PKIG: variants seen among roughly 807,000 people sequenced by gnomAD.
PKIG encodes the protein protein kinase (cAMP-dependent, catalytic) inhibitor gamma.
A neutral mutation model predicts 6.8 loss-of-function variants in PKIG; 1 was observed. The observed-to-expected ratio is 0.15, with a 90% CI of 0.05 to 0.69. The LOEUF (loss-of-function observed/expected upper bound fraction) is 0.69, where lower values mean the gene tolerates loss of function less well. Among genes scored for constraint, PKIG ranks in the 30% least tolerant of loss-of-function variants. PKIG has a pLI of 0.82. For synonymous variants in PKIG, 39 were observed against 43.0 expected, an observed-to-expected ratio of 0.91 and a Z score of 0.36; for missense variants, 77 against 104.0, an observed-to-expected ratio of 0.74 and a Z score of 1.13.
intron 2 of PKIG, among the ~76,000 whole-genome samples, chr20:44,591,162 C>G (rs1222199976): frequency 6.6e-6 from 1 of 151,962 alleles, no homozygotes; most frequent in Non-Finnish European, 1.5e-5. Context: ...CAGGAGATGA[C>G]TTGGAGAAGA....
chr20:44,541,691 G>A (rs945349035), intron 1 of PKIG, among the ~76,000 whole-genome samples: 2 of 148,586 alleles, frequency 1.3e-5, no homozygotes, highest in Non-Finnish European at 3.0e-5. Context: ...AGGTTCTTTA[G>A]GTTCTTTTTT....
At chr20:44,573,911 A>T (rs1168279879) in intron 1 of PKIG, among the ~76,000 whole-genome samples, 3 of 152,238 alleles carry the variant, frequency 2.0e-5, no homozygotes, top group African/African-American at 7.2e-5. Flanking sequence ...CCCTGCTAGT[A>T]ACTGATAGTA....
At chr20:44,553,778 A>C (rs2064689411) in intron 1 of PKIG, among the ~76,000 whole-genome samples, 1 of 152,188 alleles carries the variant, frequency 6.6e-6, no homozygotes, top group Non-Finnish European at 1.5e-5. Flanking sequence ...GTTCCTGTGC[A>C]CACGGGTGAG....
chr20:44,544,141 T>A (rs781385795), intron 1 of PKIG, among the ~76,000 whole-genome samples: 1 of 151,890 alleles, frequency 6.6e-6, no homozygotes, highest in Non-Finnish European at 1.5e-5. Context: ...CCCTAGAATC[T>A]CATTGGCCTG....
chr20:44,606,984 C>T (rs1356774617), intron 2 of PKIG, among the ~76,000 whole-genome samples: 1 of 152,220 alleles, frequency 6.6e-6, no homozygotes, highest in Non-Finnish European at 1.5e-5. Flanking sequence ...AAATAAATTT[C>T]TGTTCTTTAG....
intron 1 of PKIG, among the ~76,000 whole-genome samples, chr20:44,555,159 C>G (rs2064702664): frequency 6.6e-6 from 1 of 152,082 alleles, no homozygotes; most frequent in Non-Finnish European, 1.5e-5. Context: ...AGAAAAGATA[C>G]TATCGATAGA....
intron 1 of PKIG, among the ~76,000 whole-genome samples, chr20:44,553,495 A>G (rs971532806): frequency 3.3e-5 from 5 of 152,196 alleles, no homozygotes; most frequent in African/African-American, 4.8e-5. Flanking sequence ...AGCTTCACAG[A>G]TGGATTTCAG....
intron 1 of PKIG, among the ~76,000 whole-genome samples, chr20:44,588,249 G>C (rs370917235): frequency 2.8e-4 from 42 of 152,254 alleles, no homozygotes; most frequent in Non-Finnish European, 5.3e-4. Context: ...TTACCTGCAT[G>C]AAGTTTACAA....
intron 1 of PKIG, among the ~76,000 whole-genome samples, chr20:44,545,771 C>T (rs559096768): frequency 6.6e-6 from 1 of 152,182 alleles, no homozygotes; most frequent in South Asian, 2.1e-4. Flanking sequence ...ACTATCATCA[C>T]GCCACTGTAC....
At chr20:44,583,239 A>G (rs2064962995) in intron 1 of PKIG, among the ~76,000 whole-genome samples, 1 of 152,228 alleles carries the variant, frequency 6.6e-6, no homozygotes, top group East Asian at 1.9e-4. Flanking sequence ...TACCACATAT[A>G]AACCCAGTGC....
chr20:44,615,054 A>C (rs1600906271), intron 3 of PKIG, among the ~76,000 whole-genome samples: 2 of 149,204 alleles, frequency 1.3e-5, no homozygotes, highest in African/African-American at 5.0e-5. Flanking sequence ...GGCTCCCTAC[A>C]CCCATCTCCG....
chr20:44,567,395 C>T (rs1010232532), intron 1 of PKIG, among the ~76,000 whole-genome samples: 2 of 152,234 alleles, frequency 1.3e-5, no homozygotes, highest in Non-Finnish European at 2.9e-5. Flanking sequence ...CTGCTCAGGG[C>T]ATTTCTACCT....
chr20:44,532,375 CA>C (rs903575638), intron 1 of PKIG, among the ~76,000 whole-genome samples: 23 of 152,160 alleles, frequency 1.5e-4, no homozygotes, highest in African/African-American at 5.3e-4. Context: ...ATCATGGTAG[CA>C]CCTGTCTGAT....
intron 2 of PKIG, among the ~76,000 whole-genome samples, chr20:44,612,039 T>G (rs765851888): frequency 7.9e-5 from 12 of 152,160 alleles, no homozygotes; most frequent in Non-Finnish European, 1.2e-4. Flanking sequence ...TTGGGTTGAT[T>G]CCATATCTTG....
At chr20:44,562,788 G>C (rs1012126888) in intron 1 of PKIG, among the ~76,000 whole-genome samples, 3 of 152,062 alleles carry the variant, frequency 2.0e-5, no homozygotes, top group Non-Finnish European at 4.4e-5. Context: ...TCTGGGCATG[G>C]TGGCTCACGC....
intron 2 of PKIG, among the ~76,000 whole-genome samples, chr20:44,602,011 A>G (rs1201578501): frequency 1.3e-5 from 2 of 152,140 alleles, no homozygotes; most frequent in Non-Finnish European, 2.9e-5. Flanking sequence ...AGGCACTGTA[A>G]CCTCTGACCC....
intron 1 of PKIG, among the ~76,000 whole-genome samples, chr20:44,544,227 G>A (rs1358415859): frequency 6.6e-6 from 1 of 152,096 alleles, no homozygotes; most frequent in Non-Finnish European, 1.5e-5. Flanking sequence ...CTTAGGCCTG[G>A]TTCTTGAACA....
At chr20:44,609,136 C>T (rs79230950) in intron 2 of PKIG, among the ~76,000 whole-genome samples, 2 of 152,138 alleles carry the variant, frequency 1.3e-5, no homozygotes, top group African/African-American at 2.4e-5. Context: ...TTTCTGCTTT[C>T]GATTGGAGAG....
chr20:44,616,003 G>A (rs2065261164), intron 3 of PKIG, among the ~76,000 whole-genome samples: 1 of 152,136 alleles, frequency 6.6e-6, no homozygotes, highest in Admixed American at 6.5e-5. Context: ...ACGTGGCCCA[G>A]GCAGAACCTC....
Sources: gnomAD v4.1 joint callset for allele counts (sites outside exome capture counted in the v4.1 genomes callset) on GRCh38, gnomAD v4.1.1 for gene constraint, MANE v1.5 for transcripts, NCBI Gene and HGNC (gene_info 2026-07-23, HGNC 2026-07-21) for gene names.